WNK3: variants seen among roughly 807,000 people sequenced by gnomAD.
WNK3 encodes the protein serine/threonine-protein kinase WNK3.
In WNK3, 18 loss-of-function variants were observed where a neutral mutation model predicts 116.7. The ratio of observed to expected loss-of-function variants is 0.15; its 90% CI spans 0.11 to 0.23. WNK3 has a LOEUF of 0.23. Ranked by LOEUF, WNK3 falls within the 10% of genes least tolerant of loss-of-function variation. The pLI is 1.00. For missense variants in WNK3, 993 were observed against 1,323.8 expected (o/e 0.75, Z 3.88); for synonymous variants, 404 against 469.4 (o/e 0.86, Z 1.80).
chrX:54,233,061 C>A (rs781794916), intron 20 of WNK3, 41 bp from the exon 21 acceptor site: 1 of 1,067,874 alleles, frequency 9.4e-7, no homozygotes, highest in Non-Finnish European at 1.3e-6. Context: ...ATGGCACTGG[C>A]TCCATAAAGA....
intron 2 of WNK3, among the ~76,000 whole-genome samples, chrX:54,328,458 CA>C (rs1424113176): frequency 2.2e-3 from 224 of 99,877 alleles, no homozygotes; most frequent in African/African-American, 5.2e-3. Context: ...CAAAATATTT[CA>C]AAAAAAAAAA....
exon 24 of WNK3, chrX:54,195,111 ATATTCT>A (rs1422187004): frequency 2.7e-5 from 3 of 112,182 alleles, no homozygotes; most frequent in Non-Finnish European, 3.8e-5. Flanking sequence ...TACTGGTTTC[ATATTCT>A]TATGATGTTA....
intron 10 of WNK3, among the ~76,000 whole-genome samples, chrX:54,263,450 T>C (rs188288311): frequency 8.9e-6 from 1 of 111,830 alleles, no homozygotes; most frequent in Non-Finnish European, 1.9e-5. Flanking sequence ...TTCCAACACA[T>C]AGAAAAGTGG....
At chrX:54,314,553 AG>A (rs1375742318) in intron 2 of WNK3, among the ~76,000 whole-genome samples, 2 of 111,387 alleles carry the variant, frequency 1.8e-5, no homozygotes, top group African/African-American at 6.5e-5. Flanking sequence ...TGCATTGCTT[AG>A]GCTCAGGAGT....
At chrX:54,262,251 CT>C (rs1424391326) in intron 10 of WNK3, among the ~76,000 whole-genome samples, 1 of 111,007 alleles carries the variant, frequency 9.0e-6, no homozygotes, top group East Asian at 2.8e-4. Context: ...CTTTATTGGC[CT>C]GCATTACTTC....
intron 2 of WNK3, among the ~76,000 whole-genome samples, chrX:54,323,271 C>T (rs190470271): frequency 9.0e-6 from 1 of 111,029 alleles, no homozygotes; most frequent in East Asian, 2.8e-4. Flanking sequence ...TGTGGTATTC[C>T]TGCCAAAAAT....
Position 54,333,167 on chromosome X carries a change from T to C in WNK3, c.507A>G (p.Thr169=), listed in dbSNP as rs376472338. The C allele has an allele frequency of 3.3e-6, 4 of 1,202,324 alleles. No individual in the cohort carries two copies. The African/African-American group carries it at 7.0e-5, about 21-fold the overall frequency. Reference sequence around the variant, plus strand: ...GCTCACACCAAGCAACCTCAACCCATGTTTCAGTGTCCAGTCCTTTATATA... The same window carrying C: ...GCTCACACCAAGCAACCTCAACCCACGTTTCAGTGTCCAGTCCTTTATATA... The change falls in exon 2 of 24, where the codon ACA becomes ACG. Residue 169 remains threonine (T), a synonymous_variant. Transcript: ENST00000354646.
intron 5 of WNK3, among the ~76,000 whole-genome samples, chrX:54,302,731 C>CTCTCTCTCTATATATA (rs1285084720): frequency 5.6e-5 from 2 of 35,542 alleles, no homozygotes; most frequent in Non-Finnish European, 1.0e-4. Context: ...CTCTCTCTCT[C>CTCTCTCTCTATATATA]TATATATATA....
At chrX:54,308,436 C>T (rs923804981) in intron 4 of WNK3, among the ~76,000 whole-genome samples, 4 of 110,735 alleles carry the variant, frequency 3.6e-5, no homozygotes, top group Non-Finnish European at 5.7e-5. Flanking sequence ...GTGATCCACC[C>T]GCCTCAGGCT....
At chrX:54,202,683 C>T (rs2067513521) in intron 22 of WNK3, among the ~76,000 whole-genome samples, 1 of 100,956 alleles carries the variant, frequency 9.9e-6, no homozygotes, top group Non-Finnish European at 2.0e-5. Flanking sequence ...AGCAAGACTC[C>T]GTCTCAAGAA....
At chrX:54,252,873 G>A (rs557409727) in intron 13 of WNK3, among the ~76,000 whole-genome samples, 1 of 109,715 alleles carries the variant, frequency 9.1e-6, no homozygotes, top group South Asian at 3.9e-4. Context: ...AGCATTATAT[G>A]CACTCTTCCT....
intron 10 of WNK3, among the ~76,000 whole-genome samples, chrX:54,265,436 G>A (rs1272023467): frequency 2.7e-5 from 3 of 111,055 alleles, no homozygotes; most frequent in Non-Finnish European, 5.7e-5. Flanking sequence ...GCAGTGAGCC[G>A]AGATTGCGCA....
chrX:54,237,345 T>C, exon 20 of WNK3: 1 of 1,210,471 alleles, frequency 8.3e-7, no homozygotes, highest in Non-Finnish European at 1.1e-6. Flanking sequence ...CTTTATTTTC[T>C]TTACAGGTTT....
exon 17 of WNK3, chrX:54,249,111 G>C (rs782689332): frequency 1.7e-6 from 2 of 1,211,629 alleles, no homozygotes; most frequent in East Asian, 5.9e-5. Flanking sequence ...CAAGGCCAGG[G>C]GTCTGAGTGG....
At chrX:54,349,625 T>A (rs1473519500) in intron 1 of WNK3, among the ~76,000 whole-genome samples, 7 of 111,980 alleles carry the variant, frequency 6.3e-5, no homozygotes, top group Non-Finnish European at 1.1e-4. Flanking sequence ...AAGCTGATCC[T>A]CTAAAGAGTA....
chrX:54,256,026 C>T, intron 11 of WNK3, 139 bp from the exon 12 acceptor site: 1 of 476,829 alleles, frequency 2.1e-6, no homozygotes, highest in South Asian at 4.9e-5. Flanking sequence ...GACTGCACAA[C>T]TCTGTGAATA....
At chrX:54,267,548 G>C (rs1007306910) in intron 10 of WNK3, among the ~76,000 whole-genome samples, 4 of 110,672 alleles carry the variant, frequency 3.6e-5, no homozygotes, top group Non-Finnish European at 7.6e-5. Context: ...CACTTTGGGA[G>C]GCCGAGGTGG....
intron 10 of WNK3, among the ~76,000 whole-genome samples, chrX:54,284,124 G>A (rs1201915243): frequency 9.0e-6 from 1 of 111,069 alleles, no homozygotes; most frequent in Non-Finnish European, 1.9e-5. Flanking sequence ...TATAAAGACT[G>A]GAGAATATAT....
intron 11 of WNK3, among the ~76,000 whole-genome samples, chrX:54,258,277 C>CAAAAA (rs1177900992): frequency 7.1e-5 from 2 of 28,007 alleles, no homozygotes; most frequent in African/African-American, 1.1e-4. Context: ...GACTCCATCT[C>CAAAAA]AAAAAAAAAA....
Sources: allele counts gnomAD v4.1 joint callset (sites outside exome capture counted in the v4.1 genomes callset), GRCh38; gene constraint gnomAD v4.1.1; transcripts MANE v1.5; gene names NCBI Gene and HGNC (gene_info 2026-07-23, HGNC 2026-07-21).